Variants in CSMD1 observed in about 807,000 individuals in gnomAD.
The protein encoded by CSMD1 is CUB and Sushi multiple domains 1, also known as CUB and sushi domain-containing protein 1.
Under a neutral mutation model 417.5 loss-of-function variants are expected in CSMD1, and 213 were observed. The observed-to-expected ratio is 0.51, with a 90% CI of 0.46 to 0.57. CSMD1 has a LOEUF of 0.57. Ranked by LOEUF, CSMD1 falls within the 20% of genes least tolerant of loss-of-function variation. CSMD1 has a pLI of 0.00. For synonymous variants in CSMD1, 2,862 were observed against 1,736.8 expected (o/e 1.65, Z -16.11); for missense variants, 6,923 against 4,529.7 (o/e 1.53, Z -15.17).
chr8:4,499,587 T>G (rs1337608285), intron 2 of CSMD1, among the ~76,000 whole-genome samples: 1 of 152,194 alleles, frequency 6.6e-6, no homozygotes. Context: ...ACAAAGATAT[T>G]AATTCTGTAA....
At chr8:4,447,251 T>C (rs908591259) in intron 2 of CSMD1, among the ~76,000 whole-genome samples, 1 of 152,224 alleles carries the variant, frequency 6.6e-6, no homozygotes, top group Middle Eastern at 3.2e-3. Flanking sequence ...GCTTACGTTA[T>C]AGCAGGTTAG....
At chr8:4,581,806 A>G (rs1799432707) in intron 2 of CSMD1, among the ~76,000 whole-genome samples, 1 of 152,124 alleles carries the variant, frequency 6.6e-6, no homozygotes, top group Non-Finnish European at 1.5e-5. Flanking sequence ...GCTCTGAGCA[A>G]ATGAGTCAGG....
At chr8:3,324,525 G>GA (rs1200062212) in intron 23 of CSMD1, among the ~76,000 whole-genome samples, 2 of 145,276 alleles carry the variant, frequency 1.4e-5, no homozygotes, top group African/African-American at 5.1e-5. Flanking sequence ...CCAGGAGGGG[G>GA]AGTTTCTTCC....
chr8:4,910,473 G>T (rs1255574322), intron 1 of CSMD1, among the ~76,000 whole-genome samples: 1 of 152,108 alleles, frequency 6.6e-6, no homozygotes, highest in African/African-American at 2.4e-5. Context: ...TCTGATGCAG[G>T]GTCTTGCCTG....
intron 12 of CSMD1, among the ~76,000 whole-genome samples, chr8:3,439,150 AAACCAAG>A (rs1814779085): frequency 1.7e-5 from 2 of 115,854 alleles, no homozygotes; most frequent in African/African-American, 8.2e-5. Context: ...AAAAAAAAAA[AAACCAAG>A]AAAAAAAAAA....
At chr8:4,901,823 A>G (rs1404350487) in intron 1 of CSMD1, among the ~76,000 whole-genome samples, 1 of 152,068 alleles carries the variant, frequency 6.6e-6, no homozygotes. Flanking sequence ...TCAAAGAAAT[A>G]AGATAAATCT....
In CSMD1 at chr8:3,575,210, G is replaced by A. The variant is rs556397352; in HGVS notation, c.1223-144C>T. 431 of 852,610 alleles carry A rather than the reference G, an allele frequency of 5.1e-4. 2 individuals carry two copies. The African/African-American group carries it at 6.3e-3, about 13-fold the overall frequency. 52.8% of individuals were successfully genotyped at this position (852,610 alleles called of 1,614,324 possible). On this transcript the variant is annotated intron_variant, in intron 9 of 69. Transcript: ENST00000635120. ...AAATGGTGCATGGACTCCAACTGGG[G>A]CATGGACTCCAGTCAGCAAGTGGAT...
At chr8:3,552,269 G>C (rs1798949522) in intron 10 of CSMD1, among the ~76,000 whole-genome samples, 1 of 151,846 alleles carries the variant, frequency 6.6e-6, no homozygotes, top group Non-Finnish European at 1.5e-5. Flanking sequence ...CAGAAAGCTT[G>C]AATACTAATC....
chr8:3,017,842 ACG>A (rs10591651), intron 52 of CSMD1, among the ~76,000 whole-genome samples: 26,077 of 144,428 alleles, frequency 0.18, 4,847 homozygotes, highest in African/African-American at 0.48. Flanking sequence ...AAAAGGAAGA[ACG>A]CGTGGAGAAG....
At chr8:4,005,432 G>A (rs1043830318) in intron 4 of CSMD1, among the ~76,000 whole-genome samples, 2 of 152,204 alleles carry the variant, frequency 1.3e-5, no homozygotes, top group African/African-American at 4.8e-5. Context: ...ACACAGACAA[G>A]TGCTTTGCAG....
chr8:3,412,706 C>G (rs1171759792), intron 12 of CSMD1, among the ~76,000 whole-genome samples: 4 of 152,166 alleles, frequency 2.6e-5, no homozygotes, highest in Non-Finnish European at 5.9e-5. Context: ...GCAAAATGTT[C>G]CTAATGCAAC....
At chr8:4,355,946 A>T (rs143853892) in intron 3 of CSMD1, among the ~76,000 whole-genome samples, 3,105 of 152,206 alleles carry the variant, frequency 0.02, 50 homozygotes, top group South Asian at 0.049. Flanking sequence ...TGTTTGTAGA[A>T]TTGCATTTTT....
chr8:3,722,594 A>G (rs1036570684), intron 6 of CSMD1, among the ~76,000 whole-genome samples: 3 of 152,126 alleles, frequency 2.0e-5, no homozygotes, highest in Non-Finnish European at 2.9e-5. Flanking sequence ...ACTCACCTTA[A>G]AAGGACCCTG....
At chr8:4,272,671 A>G (rs1804680478) in intron 3 of CSMD1, among the ~76,000 whole-genome samples, 1 of 152,212 alleles carries the variant, frequency 6.6e-6, no homozygotes, top group Non-Finnish European at 1.5e-5. Context: ...AACCGACTGT[A>G]GATGAACATA....
intron 3 of CSMD1, among the ~76,000 whole-genome samples, chr8:4,158,285 A>G (rs1174309407): frequency 6.6e-6 from 1 of 152,066 alleles, no homozygotes; most frequent in African/African-American, 2.4e-5. Flanking sequence ...ACTAAACAAC[A>G]GAAGTACATG....
intron 26 of CSMD1, among the ~76,000 whole-genome samples, chr8:3,277,337 G>A (rs774033971): frequency 8.5e-5 from 13 of 152,170 alleles, no homozygotes; most frequent in Non-Finnish European, 1.5e-4. Flanking sequence ...GTTCACCTGG[G>A]TGCCTGTGCG....
At chr8:4,958,265 C>T (rs999869451) in intron 1 of CSMD1, among the ~76,000 whole-genome samples, 4 of 152,100 alleles carry the variant, frequency 2.6e-5, no homozygotes, top group Non-Finnish European at 4.4e-5. Context: ...AAAACAGGTT[C>T]AATGAAAGTG....
intron 3 of CSMD1, among the ~76,000 whole-genome samples, chr8:4,080,928 G>A (rs937316188): frequency 6.6e-6 from 1 of 152,152 alleles, no homozygotes; most frequent in Non-Finnish European, 1.5e-5. Flanking sequence ...TTTGTGAGGT[G>A]ATTAGGCTCT....
intron 3 of CSMD1, among the ~76,000 whole-genome samples, chr8:4,177,239 C>T (rs1008954294): frequency 6.6e-6 from 1 of 152,102 alleles, no homozygotes; most frequent in Non-Finnish European, 1.5e-5. Flanking sequence ...TCTCTCACAC[C>T]ACAGTGCAAT....
Sources: gnomAD v4.1 joint callset for allele counts (sites outside exome capture counted in the v4.1 genomes callset) on GRCh38, gnomAD v4.1.1 for gene constraint, MANE v1.5 for transcripts, NCBI Gene and HGNC (gene_info 2026-07-23, HGNC 2026-07-21) for gene names.